Variants in PATJ observed in about 807,000 individuals in gnomAD.
The protein encoded by PATJ is PATJ crumbs cell polarity complex component.
PATJ carries 190 observed loss-of-function variants against 224.9 expected under a neutral mutation model. The observed-to-expected ratio is 0.84, with a 90% confidence interval of 0.75 to 0.95. PATJ has a LOEUF of 0.95. PATJ is among the 40% of genes least tolerant of loss of function. The pLI is 0.00. For synonymous variants in PATJ, 769 were observed against 820.3 expected (o/e 0.94, Z 1.07); for missense variants, 2,121 against 2,270.3 (o/e 0.93, Z 1.34).
At chr1:61,794,904 C>T (rs986383961) in intron 9 of PATJ, among the ~76,000 whole-genome samples, 3 of 151,990 alleles carry the variant, frequency 2.0e-5, no homozygotes, top group Non-Finnish European at 4.4e-5. Context: ...ATCACTTGAA[C>T]TCTGAAAGTG....
In PATJ at chr1:62,038,020, G is replaced by A; in HGVS notation, c.4003G>A (p.Val1335Met). ...VNQMAVTPFP[V>M]PSSSPSSIED... ...TCAGATGGCCGTTACTCCCTTTCCAGTGCCATCAAGTTCTCCATCTTCTAT... is the reference window on the plus strand; with the variant it reads ...TCAGATGGCCGTTACTCCCTTTCCAATGCCATCAAGTTCTCCATCTTCTAT... Residue 1335 changes from valine to methionine, a missense_variant, in exon 30 of 44, where the codon GTG becomes ATG. Physicochemically the swap from Val to Met is conservative, Grantham distance 21. Transcript: ENST00000642238. 1 of 1,599,104 alleles carries A rather than the reference G, an allele frequency of 6.3e-7. No individual in the cohort carries two copies. The highest frequency in any genetic ancestry group is 8.5e-7 in the Non-Finnish European group (1 of 1,171,656).
chr1:61,977,952 AAAACT>A (rs1206120771), intron 27 of PATJ, among the ~76,000 whole-genome samples: 5 of 151,802 alleles, frequency 3.3e-5, no homozygotes, highest in Non-Finnish European at 7.4e-5. Context: ...ATACAAACAG[AAAACT>A]ATACTATAGT....
rs200060743 is a variant in PATJ, at chr1:61,901,353, G to A, written c.3275G>A (p.Arg1092His). 36 of 1,585,422 alleles carry A rather than the reference G, an allele frequency of 2.3e-5. No individual in the cohort carries two copies. The highest frequency in any genetic ancestry group is 3.5e-5 in the South Asian group (3 of 85,666). Residue 1092 changes from arginine to histidine, a missense_variant, in exon 24 of 44, where the codon CGT (arginine) becomes CAT (histidine). Physicochemically the swap from Arg to His is conservative, Grantham distance 29. Transcript: ENST00000642238. ...GTTGGTGGACAAACTGTTATAAAAC[G>A]TCTAAAGAATGGAGAGGAGCTTAAA... ...SIVGGQTVIK[R>H]LKNGEELKGI...
intron 35 of PATJ, among the ~76,000 whole-genome samples, chr1:62,115,252 G>A (rs1664326261): frequency 6.6e-6 from 1 of 152,174 alleles, no homozygotes; most frequent in Admixed American, 6.6e-5. Flanking sequence ...GGAGGTTGCA[G>A]TGAGCTGAGA....
intron 31 of PATJ, among the ~76,000 whole-genome samples, chr1:62,067,254 G>C (rs1432387330): frequency 6.6e-6 from 1 of 150,752 alleles, no homozygotes; most frequent in Admixed American, 6.7e-5. Context: ...AGCCTCACGA[G>C]TAGCTGGGAC....
chr1:61,906,115 T>G (rs1382593868), intron 24 of PATJ, among the ~76,000 whole-genome samples: 1 of 152,212 alleles, frequency 6.6e-6, no homozygotes. Context: ...CTAGGGCAGC[T>G]CAGAGAAACA....
At chr1:61,795,385 T>C in intron 9 of PATJ, 82 bp from the exon 10 acceptor site, 1 of 702,178 alleles carries the variant, frequency 1.4e-6, no homozygotes, top group South Asian at 2.0e-5. Context: ...CCCCGTTAGC[T>C]AATTAACCTC....
intron 5 of PATJ, among the ~76,000 whole-genome samples, 167 bp from the exon 6 acceptor site, chr1:61,771,264 C>T (rs954386229): frequency 6.6e-6 from 1 of 152,076 alleles, no homozygotes; most frequent in African/African-American, 2.4e-5. Flanking sequence ...TAGTTAATAA[C>T]TTCTGTGAAA....
At chr1:61,910,370 T>A (rs1252589817) in intron 25 of PATJ, among the ~76,000 whole-genome samples, 2 of 152,108 alleles carry the variant, frequency 1.3e-5, no homozygotes, top group Non-Finnish European at 2.9e-5. Flanking sequence ...CATGCTCAAG[T>A]TACTTATTCC....
chr1:61,943,954 CAG>C (rs1433774493), intron 27 of PATJ, among the ~76,000 whole-genome samples: 1 of 152,200 alleles, frequency 6.6e-6, no homozygotes, highest in Non-Finnish European at 1.5e-5. Context: ...CCCAGGCAAA[CAG>C]GGTCTGGAGT....
rs1663379458 is a variant in PATJ at position 62,108,457 on chromosome 1, A to T, written c.4398A>T (p.Glu1466Asp). 1 of 1,608,204 alleles carries T rather than the reference A, an allele frequency of 6.2e-7. No homozygotes were observed. The highest frequency in any genetic ancestry group is 1.7e-5 in the Admixed American group (1 of 59,948). ...DTPLNAIVIH[E>D]VYEEGAAARD... ...TATAGAATGCTATAGTTATCCATGA[A>T]GTCTATGAAGAAGGGGCAGCAGCCA... Residue 1466 changes from glutamate to aspartate, a missense_variant, in exon 34 of 44, where the codon GAA becomes GAT. Transcript: ENST00000642238.
chr1:61,908,413 A>G lies in PATJ; in HGVS notation c.3423A>G (p.Ala1141=). 6.2e-7 allele frequency: 1 copy of G among 1,614,014 alleles called. No individual in the cohort carries two copies. Among genetic ancestry groups the G allele is most frequent in the Non-Finnish European group, 8.5e-7 (1 of 1,179,878 alleles). ...VDLQNASHSE[A]VEAIKNAGNP... is the part of the protein sequence containing the mutation. ...TGCAGAATGCCTCACACAGCGAAGC[A>G]GTTGAGGCCATTAAGAATGCAGGAA... Residue 1141 remains alanine (A), a synonymous_variant, in exon 25 of 44, where the codon GCA becomes GCG. Coordinates refer to ENST00000642238, the MANE Select transcript of PATJ (RefSeq NM_001350145.3).
intron 38 of PATJ, among the ~76,000 whole-genome samples, chr1:62,121,585 G>A (rs1381544780): frequency 6.6e-6 from 1 of 151,790 alleles, no homozygotes; most frequent in East Asian, 1.9e-4. Context: ...GGCTAACCCC[G>A]TGAAACCCCG....
At chr1:61,904,764 AT>A (rs1671641950) in intron 24 of PATJ, among the ~76,000 whole-genome samples, 1 of 152,232 alleles carries the variant, frequency 6.6e-6, no homozygotes, top group South Asian at 2.1e-4. Context: ...TTTCTCTCCC[AT>A]CCCTAACTTC....
chr1:62,155,566 C>G (rs963723877), intron 43 of PATJ, among the ~76,000 whole-genome samples: 1 of 151,918 alleles, frequency 6.6e-6, no homozygotes, highest in African/African-American at 2.4e-5. Flanking sequence ...TCAAAGGTCC[C>G]ATTGAAAGAG....
chr1:62,041,796 C>T (rs1025480946), intron 30 of PATJ, among the ~76,000 whole-genome samples: 10 of 151,824 alleles, frequency 6.6e-5, no homozygotes, highest in Admixed American at 5.2e-4. Flanking sequence ...TTTGGGAGGC[C>T]GAGGCGGGTG....
intron 1 of PATJ, among the ~76,000 whole-genome samples, chr1:61,743,311 C>T (rs1644858050): frequency 6.6e-6 from 1 of 152,218 alleles, no homozygotes; most frequent in African/African-American, 2.4e-5. Context: ...CTCCAAAGCG[C>T]CCCAGCCGTC....
intron 30 of PATJ, among the ~76,000 whole-genome samples, chr1:62,045,118 G>T (rs370657937): frequency 6.6e-6 from 1 of 152,112 alleles, no homozygotes; most frequent in Non-Finnish European, 1.5e-5. Context: ...CTACTCGGGA[G>T]GCTGAGGCTG....
Position 62,068,890 on chromosome 1 carries a change from C to A in PATJ, c.4126-10560C>A, listed in dbSNP as rs111418569. ...ATGAGATGACCTTTCTACAACATTT[C>A]TTCATTCTTCTTTTTTAGGGGTCCC... On this transcript the variant is annotated intron_variant, in intron 31 of 43. Coordinates refer to ENST00000642238, the MANE Select transcript of PATJ (RefSeq NM_001350145.3). 3.2e-3 allele frequency among the ~76,000 whole-genome samples: 482 copies of A among 152,294 alleles called. 3 individuals are homozygous for A. The highest frequency in any genetic ancestry group is 5.1e-3 in the Non-Finnish European group (347 of 68,018).
Sources: gnomAD v4.1 joint callset for allele counts (sites outside exome capture counted in the v4.1 genomes callset) on GRCh38, gnomAD v4.1.1 for gene constraint, MANE v1.5 for transcripts, NCBI Gene and HGNC (gene_info 2026-07-23, HGNC 2026-07-21) for gene names.